The following SCFD2 variants were observed in gnomAD, a reference collection of about 807,000 sequenced individuals.
SCFD2 encodes sec1 family domain containing 2.
Under a neutral mutation model 58.9 loss-of-function variants are expected in SCFD2, and 54 were observed. The ratio of observed to expected loss-of-function variants is 0.92; its 90% CI spans 0.74 to 1.15. SCFD2 has a LOEUF of 1.15. Ranked by LOEUF, SCFD2 falls within the 50% of genes most tolerant of loss-of-function variation. SCFD2 has a pLI of 0.00. For synonymous variants in SCFD2, 321 were observed against 335.9 expected (o/e 0.96, Z 0.49); for missense variants, 805 against 836.6 (o/e 0.96, Z 0.47).
At chr4:52,958,262 G>A (rs1179811146) in intron 5 of SCFD2, among the ~76,000 whole-genome samples, 1 of 152,154 alleles carries the variant, frequency 6.6e-6, no homozygotes, top group Non-Finnish European at 1.5e-5. Context: ...TTATGAACTT[G>A]TGCTTACATA....
intron 3 of SCFD2, among the ~76,000 whole-genome samples, chr4:53,298,004 A>T (rs1732105501): frequency 6.6e-6 from 1 of 152,134 alleles, no homozygotes; most frequent in Non-Finnish European, 1.5e-5. Context: ...TCCAGTCTAC[A>T]GCTCCCAGCA....
At chr4:53,320,364 C>T (rs1445052181) in intron 2 of SCFD2, among the ~76,000 whole-genome samples, 1 of 152,196 alleles carries the variant, frequency 6.6e-6, no homozygotes, top group Non-Finnish European at 1.5e-5. Flanking sequence ...CGCCTGTAAT[C>T]CCAGCACTTT....
chr4:53,351,058 C>CT (rs1577995619), intron 2 of SCFD2, among the ~76,000 whole-genome samples: 1 of 152,176 alleles, frequency 6.6e-6, no homozygotes, highest in East Asian at 1.9e-4. Context: ...CCCACGAACT[C>CT]TGTTACTTAA....
At chr4:53,354,401 A>G (rs1257685762) in intron 1 of SCFD2, among the ~76,000 whole-genome samples, 4 of 152,184 alleles carry the variant, frequency 2.6e-5, no homozygotes, top group Non-Finnish European at 5.9e-5. Flanking sequence ...GCCCACATGG[A>G]ACTCACACTG....
At chr4:53,044,916 C>CCCCCCCGCCA (rs59844812) in intron 5 of SCFD2, among the ~76,000 whole-genome samples, 8 of 110,284 alleles carry the variant, frequency 7.3e-5, no homozygotes, top group African/African-American at 3.0e-4. Flanking sequence ...ACCCCCCCCC[C>CCCCCCCGCCA]CCGCCCACAA....
In SCFD2 at chr4:53,249,283, C is replaced by A. The variant is rs551365934; in HGVS notation, c.1311+24543G>T. Among the ~76,000 whole-genome samples, 3 of 152,202 alleles carry A rather than the reference C, an allele frequency of 2.0e-5. No individual in the cohort carries two copies. The East Asian group carries it at 5.8e-4, about 29-fold the overall frequency. On this transcript the variant is annotated intron_variant, in intron 4 of 8. Transcript: ENST00000401642. ...AAAGAACAAAAAGAAACGAACAAAGCCTCCAAGAAATATGGGACTATGTGA... is the reference window on the plus strand; with the variant it reads ...AAAGAACAAAAAGAAACGAACAAAGACTCCAAGAAATATGGGACTATGTGA...
At chr4:53,254,471 CTTTTTTCT>C (rs952862807) in intron 4 of SCFD2, among the ~76,000 whole-genome samples, 4 of 151,770 alleles carry the variant, frequency 2.6e-5, no homozygotes, top group South Asian at 2.1e-4. Flanking sequence ...TCAATTAAAC[CTTTTTTCT>C]TTTTTTCTTT....
At chr4:52,965,293 G>C (rs919813207) in intron 5 of SCFD2, among the ~76,000 whole-genome samples, 10 of 152,044 alleles carry the variant, frequency 6.6e-5, no homozygotes, top group Admixed American at 4.6e-4. Context: ...CATATTATTG[G>C]ATTTCTTTGA....
At chr4:53,353,475 C>G (rs1734302768) in intron 1 of SCFD2, among the ~76,000 whole-genome samples, 1 of 152,232 alleles carries the variant, frequency 6.6e-6, no homozygotes, top group African/African-American at 2.4e-5. Flanking sequence ...CCACTGCTGT[C>G]TCGGGCAGCC....
At chr4:53,078,735 T>C (rs1724054688) in intron 5 of SCFD2, among the ~76,000 whole-genome samples, 1 of 152,176 alleles carries the variant, frequency 6.6e-6, no homozygotes. Context: ...GAATTAGAAA[T>C]GAACCCATGT....
At chr4:53,325,111 C>G (rs146769818) in intron 2 of SCFD2, among the ~76,000 whole-genome samples, 4 of 152,170 alleles carry the variant, frequency 2.6e-5, no homozygotes, top group African/African-American at 9.6e-5. Context: ...TCTAACTTCC[C>G]TCTTACTTTT....
chr4:53,075,990 C>T (rs1049828378), intron 5 of SCFD2, among the ~76,000 whole-genome samples: 21 of 152,128 alleles, frequency 1.4e-4, no homozygotes, highest in African/African-American at 4.8e-4. Context: ...AATATGTGCA[C>T]AGTGCAATAA....
intron 7 of SCFD2, among the ~76,000 whole-genome samples, chr4:52,901,952 G>T (rs1021369421): frequency 1.3e-5 from 2 of 152,220 alleles, no homozygotes; most frequent in Non-Finnish European, 2.9e-5. Context: ...CTGCAAAAAT[G>T]TACATAAATA....
At chr4:53,334,017 C>T (rs1055819352) in intron 2 of SCFD2, among the ~76,000 whole-genome samples, 1 of 151,574 alleles carries the variant, frequency 6.6e-6, no homozygotes, top group African/African-American at 2.4e-5. Flanking sequence ...TTATCACTGG[C>T]CATCAGAGAA....
rs535539897 is a variant in SCFD2 at position 53,343,687 on chromosome 4, C to T, written c.1007+8911G>A. Reference sequence around the variant, plus strand: ...TTAGACCAATATCCCTGATGAACATCGATGCAAAAATCCCCAATAAAATAC... The same window carrying T: ...TTAGACCAATATCCCTGATGAACATTGATGCAAAAATCCCCAATAAAATAC... On this transcript the variant is annotated intron_variant, in intron 2 of 8. Transcript: ENST00000401642. Among the ~76,000 whole-genome samples the T allele has an allele frequency of 1.6e-3, 242 of 152,224 alleles. 2 individuals carry two copies. The highest frequency in any genetic ancestry group is 5.6e-3 in the African/African-American group (231 of 41,534).
chr4:52,899,820 C>A (rs1719135494), intron 7 of SCFD2, among the ~76,000 whole-genome samples: 1 of 152,146 alleles, frequency 6.6e-6, no homozygotes, highest in Non-Finnish European at 1.5e-5. Flanking sequence ...TTCATATAGT[C>A]CCATATTTCT....
intron 6 of SCFD2, among the ~76,000 whole-genome samples, chr4:52,915,729 A>G (rs1171881785): frequency 2.0e-5 from 3 of 152,222 alleles, no homozygotes; most frequent in Admixed American, 6.5e-5. Flanking sequence ...CACACAGCCA[A>G]TTAGAAGTAG....
intron 6 of SCFD2, among the ~76,000 whole-genome samples, chr4:52,909,311 T>C (rs1719428025): frequency 6.6e-6 from 1 of 152,168 alleles, no homozygotes; most frequent in Admixed American, 6.5e-5. Flanking sequence ...TAGGGAGCTG[T>C]TTAATAAATG....
chr4:53,198,193 C>A (rs528567429), intron 4 of SCFD2, among the ~76,000 whole-genome samples: 1 of 151,876 alleles, frequency 6.6e-6, no homozygotes, highest in Non-Finnish European at 1.5e-5. Context: ...TAATTGAAAG[C>A]CTTAAGGTCA....
Sources: gnomAD v4.1 joint callset for allele counts (sites outside exome capture counted in the v4.1 genomes callset) on GRCh38, gnomAD v4.1.1 for gene constraint, MANE v1.5 for transcripts, NCBI Gene and HGNC (gene_info 2026-07-23, HGNC 2026-07-21) for gene names.